The following TMPRSS15 variants were observed in gnomAD, a reference collection of about 807,000 sequenced individuals.
TMPRSS15 encodes the protein transmembrane serine protease 15.
A neutral mutation model predicts 125.3 loss-of-function variants in TMPRSS15; 128 were observed. The observed-to-expected ratio is 1.02, with a 90% CI of 0.89 to 1.18. The LOEUF (loss-of-function observed/expected upper bound fraction) is 1.18. Among genes scored for constraint, TMPRSS15 ranks in the 50% most tolerant of loss-of-function variants. The pLI is 0.00. For synonymous variants in TMPRSS15, 446 were observed against 423.2 expected (o/e 1.05, Z -0.66); for missense variants, 1,283 against 1,212.7 (o/e 1.06, Z -0.86).
intron 1 of TMPRSS15, among the ~76,000 whole-genome samples, chr21:18,439,683 T>A (rs1471707429): frequency 1.3e-5 from 2 of 152,168 alleles, no homozygotes; most frequent in East Asian, 3.9e-4. Context: ...GTGACAAGAA[T>A]CAATAATGGG....
chr21:18,426,591 G>C (rs74412834), intron 1 of TMPRSS15, among the ~76,000 whole-genome samples: 54 of 152,150 alleles, frequency 3.5e-4, no homozygotes, highest in African/African-American at 1.3e-3. Flanking sequence ...CCCTCTTTTT[G>C]GTCTACGCTA....
intron 18 of TMPRSS15, among the ~76,000 whole-genome samples, chr21:18,308,837 C>A (rs1330582956): frequency 6.6e-6 from 1 of 152,052 alleles, no homozygotes; most frequent in East Asian, 1.9e-4. Context: ...TGAGAATATG[C>A]AGTGTTTGGT....
intron 16 of TMPRSS15, among the ~76,000 whole-genome samples, chr21:18,321,448 G>C (rs969953263): frequency 2.1e-5 from 3 of 145,450 alleles, no homozygotes; most frequent in African/African-American, 7.8e-5. Flanking sequence ...CACCTCCCGG[G>C]TTCACGCCAT....
At chr21:18,318,189 C>T (rs897844740) in intron 16 of TMPRSS15, among the ~76,000 whole-genome samples, 4 of 152,078 alleles carry the variant, frequency 2.6e-5, no homozygotes, top group African/African-American at 9.7e-5. Context: ...GCAGGGAAGC[C>T]CGGCTCTAGC....
At chr21:18,302,448 A>G (rs1387952797) in intron 18 of TMPRSS15, among the ~76,000 whole-genome samples, 1 of 152,196 alleles carries the variant, frequency 6.6e-6, no homozygotes, top group Non-Finnish European at 1.5e-5. Flanking sequence ...CATTTCCACT[A>G]CAATTATTTA....
At chr21:18,445,044 C>G (rs1487296078) in intron 1 of TMPRSS15, among the ~76,000 whole-genome samples, 1 of 152,104 alleles carries the variant, frequency 6.6e-6, no homozygotes, top group African/African-American at 2.4e-5. Context: ...GCTAATGTTT[C>G]TCTTTCTGTG....
chr21:18,430,968 A>G (rs1176827780), intron 1 of TMPRSS15, among the ~76,000 whole-genome samples: 1 of 152,192 alleles, frequency 6.6e-6, no homozygotes, highest in Non-Finnish European at 1.5e-5. Flanking sequence ...AACTCTACAC[A>G]TGTTAGTTTG....
intron 1 of TMPRSS15, among the ~76,000 whole-genome samples, chr21:18,482,660 T>C (rs981873445): frequency 3.3e-5 from 5 of 151,688 alleles, no homozygotes; most frequent in African/African-American, 9.7e-5. Context: ...AGGGTATACA[T>C]AGAAGAAATG....
intron 1 of TMPRSS15, among the ~76,000 whole-genome samples, chr21:18,464,651 A>G (rs1386247848): frequency 6.6e-6 from 1 of 152,200 alleles, no homozygotes; most frequent in African/African-American, 2.4e-5. Context: ...AATAAACTAG[A>G]AAATCTGGAA....
At chr21:18,401,186 C>G (rs1224727554) in intron 1 of TMPRSS15, among the ~76,000 whole-genome samples, 1 of 152,060 alleles carries the variant, frequency 6.6e-6, no homozygotes, top group African/African-American at 2.4e-5. Context: ...TCTCAAAGAA[C>G]CTAAAACAGA....
At chr21:18,315,846 AAT>A (rs1226922097) in intron 16 of TMPRSS15, among the ~76,000 whole-genome samples, 71 of 137,420 alleles carry the variant, frequency 5.2e-4, no homozygotes, top group South Asian at 1.8e-3. Flanking sequence ...AGTATAATAA[AAT>A]ATATATATAT....
At chr21:18,472,098 C>A (rs894076434) in intron 1 of TMPRSS15, among the ~76,000 whole-genome samples, 2 of 151,656 alleles carry the variant, frequency 1.3e-5, no homozygotes, top group Non-Finnish European at 2.9e-5. Flanking sequence ...GATCTCATTA[C>A]GTAAATAACA....
Position 18,410,362 on chromosome 21 carries a change from G to A in TMPRSS15, c.11-12033C>T, listed in dbSNP as rs527386905. ...ACTATTCTCTACAATTTAATGAGTA[G>A]CATTAAGAATTGACAAACTCCTAAT... On this transcript the variant is annotated intron_variant, in intron 1 of 7. Transcript: ENST00000422787. Among the ~76,000 whole-genome samples the A allele has an allele frequency of 5.3e-5, 8 of 152,132 alleles. No homozygotes were observed. The East Asian group carries it at 1.6e-3, about 30-fold the overall frequency.
At chr21:18,419,364 T>C (rs910134575) in intron 1 of TMPRSS15, among the ~76,000 whole-genome samples, 8 of 151,820 alleles carry the variant, frequency 5.3e-5, no homozygotes, top group African/African-American at 1.7e-4. Context: ...TAGCTGGGAC[T>C]ACAGGCGCCC....
At chr21:18,318,761 C>A (rs61242017) in intron 16 of TMPRSS15, among the ~76,000 whole-genome samples, 1 of 151,892 alleles carries the variant, frequency 6.6e-6, no homozygotes, top group East Asian at 1.9e-4. Flanking sequence ...GACAAATGAA[C>A]CTTTTGTTTT....
chr21:18,405,374 AG>A (rs2076144231), upstream of TMPRSS15, among the ~76,000 whole-genome samples: 1 of 152,182 alleles, frequency 6.6e-6, no homozygotes, highest in Admixed American at 6.6e-5. Context: ...TTTTTAAAGA[AG>A]GCAATAATTT....
chr21:18,303,922 A>T (rs1029687960), intron 18 of TMPRSS15, among the ~76,000 whole-genome samples: 2 of 152,204 alleles, frequency 1.3e-5, no homozygotes, highest in Non-Finnish European at 2.9e-5. Context: ...AAGAAACGAC[A>T]TTTCACAAAA....
chr21:18,459,715 A>G (rs999695252), intron 1 of TMPRSS15, among the ~76,000 whole-genome samples: 2 of 152,326 alleles, frequency 1.3e-5, no homozygotes, highest in South Asian at 4.1e-4. Flanking sequence ...TTTACAATTG[A>G]CTTGTCAAAG....
chr21:18,416,834 C>T (rs756807134), intron 1 of TMPRSS15, among the ~76,000 whole-genome samples: 7 of 151,954 alleles, frequency 4.6e-5, no homozygotes, highest in Non-Finnish European at 8.8e-5. Context: ...ATGTACTTAT[C>T]TATTGATGAC....
Sources: allele counts gnomAD v4.1 joint callset (sites outside exome capture counted in the v4.1 genomes callset), GRCh38; gene constraint gnomAD v4.1.1; transcripts MANE v1.5; gene names NCBI Gene and HGNC (gene_info 2026-07-23, HGNC 2026-07-21).